Variants in RAB27A observed in about 807,000 individuals in gnomAD.
RAB27A encodes RAB27A, member RAS oncogene family, also known as ras-related protein Rab-27A.
In RAB27A, 17 loss-of-function variants were observed where a neutral mutation model predicts 20.8. The observed-to-expected ratio is 0.82, with a 90% CI of 0.56 to 1.23. The LOEUF is 1.23. RAB27A is among the 50% of genes most tolerant of loss of function. The probability of loss-of-function intolerance (pLI) is 0.00; values close to 1 mark genes in which losing one functional copy is unlikely to be tolerated. For synonymous variants in RAB27A, 85 were observed against 92.8 expected (o/e 0.92, Z 0.48); for missense variants, 277 against 266.7 (o/e 1.04, Z -0.27).
At chr15:55,236,365 C>G (rs1463340794) in intron 2 of RAB27A, among the ~76,000 whole-genome samples, 2 of 151,964 alleles carry the variant, frequency 1.3e-5, no homozygotes, top group African/African-American at 4.8e-5. Flanking sequence ...CATATTAAGC[C>G]AGACTTCTCT....
intron 2 of RAB27A, among the ~76,000 whole-genome samples, chr15:55,298,237 C>T (rs1050529433): frequency 7.3e-5 from 11 of 151,224 alleles, no homozygotes. Context: ...AGTTGTGGGC[C>T]GTATTGGGGA....
chr15:55,296,309 A>C lies in RAB27A; in HGVS notation c.-112+17730T>G, dbSNP rs866339761. ...TCTGGAGTTCCAGACCAGCCTGGCC[A>C]ACAGGGTGAAAACCCGTCTCTACTA... On this transcript the variant is annotated intron_variant, in intron 2 of 5. Coordinates refer to the RAB27A transcript ENST00000563262. Among the ~76,000 whole-genome samples the C allele has an allele frequency of 1.1e-4, 16 of 151,870 alleles. No individual in the cohort carries two copies. In the South Asian group the frequency reaches 2.1e-3, roughly 20 times the overall value.
intron 6 of RAB27A, among the ~76,000 whole-genome samples, chr15:55,210,308 T>C (rs1033940399): frequency 6.6e-6 from 1 of 151,318 alleles, no homozygotes; most frequent in Non-Finnish European, 1.5e-5. Context: ...CATCCATACT[T>C]TTCTCCACAG....
chr15:55,207,152 T>A (rs1894691574), intron 6 of RAB27A, among the ~76,000 whole-genome samples: 1 of 152,174 alleles, frequency 6.6e-6, no homozygotes, highest in South Asian at 2.1e-4. Context: ...TATTAAGTAT[T>A]GCCAAGGAGA....
At chr15:55,257,081 T>C (rs1412045453) in intron 2 of RAB27A, among the ~76,000 whole-genome samples, 1 of 151,960 alleles carries the variant, frequency 6.6e-6, no homozygotes, top group Non-Finnish European at 1.5e-5. Flanking sequence ...CACCAAAGAA[T>C]AAAGCCTAGG....
At chr15:55,209,795 T>C (rs989917696) in intron 6 of RAB27A, among the ~76,000 whole-genome samples, 13 of 131,968 alleles carry the variant, frequency 9.9e-5, no homozygotes, top group Admixed American at 1.4e-4. Context: ...TATGTGTGTA[T>C]GTATACATAT....
chr15:55,240,298 T>C (rs1434727530), intron 2 of RAB27A, among the ~76,000 whole-genome samples: 1 of 152,064 alleles, frequency 6.6e-6, no homozygotes, highest in Non-Finnish European at 1.5e-5. Flanking sequence ...AACAACGTTG[T>C]ATGCTCACCA....
intron 2 of RAB27A, among the ~76,000 whole-genome samples, chr15:55,306,773 A>G (rs537762319): frequency 9.2e-5 from 14 of 152,274 alleles, no homozygotes; most frequent in African/African-American, 3.4e-4. Context: ...TCTCCATAGA[A>G]ACGCTTGGTA....
At chr15:55,214,422 C>G (rs369481901) in intron 6 of RAB27A, among the ~76,000 whole-genome samples, 14 of 152,218 alleles carry the variant, frequency 9.2e-5, no homozygotes, top group Admixed American at 7.8e-4. Flanking sequence ...GGCGACAGAG[C>G]GAGACTCCGT....
At chr15:55,304,111 TG>T (rs2054987616) in intron 2 of RAB27A, among the ~76,000 whole-genome samples, 1 of 152,254 alleles carries the variant, frequency 6.6e-6, no homozygotes, top group African/African-American at 2.4e-5. Flanking sequence ...CATTTTGTTC[TG>T]CACTAAGAAA....
intron 1 of RAB27A, among the ~76,000 whole-genome samples, chr15:55,317,020 G>A (rs1000042045): frequency 1.3e-5 from 2 of 152,120 alleles, no homozygotes; most frequent in South Asian, 2.1e-4. Context: ...TACACACTGA[G>A]ACTGGCACCC....
intron 1 of RAB27A, among the ~76,000 whole-genome samples, chr15:55,288,453 G>A (rs538580814): frequency 9.9e-5 from 15 of 152,256 alleles, no homozygotes; most frequent in East Asian, 3.9e-4. Context: ...CCCAGGAAGC[G>A]GAGGTTGCTG....
rs545811110 is a variant in RAB27A at position 55,234,449 on chromosome 15, A to G, written c.153+333T>C. On this transcript the variant is annotated intron_variant, in intron 3 of 6. Transcript: ENST00000336787. The stretch of plus-strand genomic sequence containing the variant: ...AAAGGTGGAAGACACAGCCCATAAA[A>G]CAAGAGTATGAGGGGCAAGGTGGTT... Among the ~76,000 whole-genome samples the G allele has an allele frequency of 3.3e-5, 5 of 152,308 alleles. No individual in the cohort carries two copies. In the South Asian group the frequency reaches 8.3e-4, roughly 25 times the overall value.
chr15:55,250,521 T>C (rs1281591687), intron 2 of RAB27A, among the ~76,000 whole-genome samples: 2 of 152,204 alleles, frequency 1.3e-5, no homozygotes, highest in Non-Finnish European at 2.9e-5. Flanking sequence ...AGGAAGTACA[T>C]GTGAACTACA....
At chr15:55,258,783 C>T (rs1045032547) in intron 2 of RAB27A, among the ~76,000 whole-genome samples, 1 of 152,096 alleles carries the variant, frequency 6.6e-6, no homozygotes, top group Non-Finnish European at 1.5e-5. Context: ...ATCTAGTTTC[C>T]TCTTATTAAA....
chr15:55,210,100 A>G (rs141080298), intron 6 of RAB27A, among the ~76,000 whole-genome samples: 5,739 of 134,308 alleles, frequency 0.043, 414 homozygotes, highest in African/African-American at 0.16. Flanking sequence ...ATATGTGTGT[A>G]TATATACACA....
At chr15:55,270,883 T>C (rs1333603054) in intron 1 of RAB27A, 2 of 152,256 alleles carry the variant, frequency 1.3e-5, no homozygotes, top group Non-Finnish European at 2.9e-5. Context: ...TCCACAACCT[T>C]GCTTCAAACC....
At chr15:55,214,271 C>T (rs1895169945) in intron 6 of RAB27A, among the ~76,000 whole-genome samples, 1 of 152,190 alleles carries the variant, frequency 6.6e-6, no homozygotes, top group South Asian at 2.1e-4. Context: ...CCCGTCTCTA[C>T]TAAAAATACA....
At chr15:55,296,275 G>C (rs1030242002) in intron 2 of RAB27A, among the ~76,000 whole-genome samples, 1 of 151,654 alleles carries the variant, frequency 6.6e-6, no homozygotes, top group Non-Finnish European at 1.5e-5. Context: ...GGGAGGCCGA[G>C]GTGGGCAGTC....
Sources: allele counts gnomAD v4.1 joint callset (sites outside exome capture counted in the v4.1 genomes callset), GRCh38; gene constraint gnomAD v4.1.1; transcripts MANE v1.5; gene names NCBI Gene and HGNC (gene_info 2026-07-23, HGNC 2026-07-21).